The following DPP6 variants were observed in gnomAD, a reference collection of about 807,000 sequenced individuals.
DPP6 encodes the protein dipeptidyl peptidase like 6, also known as A-type potassium channel modulatory protein DPP6.
A neutral mutation model predicts 122.6 loss-of-function variants in DPP6; 69 were observed. That is an observed-to-expected ratio of 0.56 (90% CI 0.46 to 0.69). DPP6 has a LOEUF of 0.69. Ranked by LOEUF, DPP6 falls within the 30% of genes least tolerant of loss-of-function variation. The pLI, the probability that DPP6 is intolerant of heterozygous loss-of-function variation, is 0.00. For missense variants in DPP6, 928 were observed against 1,116.9 expected, an observed-to-expected ratio of 0.83 and a Z score of 2.41; for synonymous variants, 418 against 433.1, an observed-to-expected ratio of 0.97 and a Z score of 0.43.
intron 1 of DPP6, among the ~76,000 whole-genome samples, chr7:154,438,469 CAAAAAAAAAAAAA>C (rs58978160): frequency 0.014 from 529 of 37,496 alleles, 5 homozygotes; most frequent in South Asian, 0.024. Flanking sequence ...GACTCCAACT[CAAAAAAAAAAAAA>C]AAAAAAAAAA....
chr7:154,002,959 C>T (rs1220170921), intron 1 of DPP6, among the ~76,000 whole-genome samples: 1 of 152,174 alleles, frequency 6.6e-6, no homozygotes, highest in Non-Finnish European at 1.5e-5. Context: ...ATGTCAGTGT[C>T]GCTTCCCTCA....
chr7:154,127,459 A>G (rs1161732581), intron 1 of DPP6, among the ~76,000 whole-genome samples: 1 of 152,112 alleles, frequency 6.6e-6, no homozygotes, highest in East Asian at 1.9e-4. Context: ...GGCCCTCACT[A>G]ACTTGGAGCT....
rs535388939 is a variant in DPP6 at position 154,720,005 on chromosome 7, A to G, written c.763-7762A>G. 2.6e-3 allele frequency among the ~76,000 whole-genome samples: 393 copies of G among 152,308 alleles called. 1 individual carries two copies. The highest frequency in any genetic ancestry group is 4.9e-3 in the Non-Finnish European group (330 of 68,022). ...CCCCATGCTCCTGCATCTGCTTCCC[A>G]GAACCTCTCGGCCTGTAGGATCTGT... On this transcript the variant is annotated intron_variant, in intron 7 of 25. Transcript: ENST00000377770.
At chr7:153,989,099 T>C (rs1377892137) in intron 1 of DPP6, among the ~76,000 whole-genome samples, 2 of 149,090 alleles carry the variant, frequency 1.3e-5, no homozygotes, top group Non-Finnish European at 3.0e-5. Context: ...GCTGCTGGGG[T>C]GGCGGGGCTT....
At chr7:154,874,643 C>G (rs1000663849) in intron 19 of DPP6, among the ~76,000 whole-genome samples, 1 of 152,218 alleles carries the variant, frequency 6.6e-6, no homozygotes, top group Non-Finnish European at 1.5e-5. Context: ...CCTGCCCCCA[C>G]CCCACTCCTC....
chr7:154,800,462 C>T (rs1798293908), intron 12 of DPP6, among the ~76,000 whole-genome samples: 1 of 152,182 alleles, frequency 6.6e-6, no homozygotes, highest in Admixed American at 6.5e-5. Flanking sequence ...CAAACTTGGG[C>T]TTCAGAGAGG....
chr7:154,499,229 A>C (rs994046122), intron 3 of DPP6, among the ~76,000 whole-genome samples: 2 of 152,142 alleles, frequency 1.3e-5, no homozygotes, highest in East Asian at 1.9e-4. Context: ...AAAGGAGTAA[A>C]ACAGATATTT....
intron 5 of DPP6, among the ~76,000 whole-genome samples, chr7:154,633,214 T>C (rs1835515515): frequency 6.6e-6 from 1 of 152,100 alleles, no homozygotes; most frequent in South Asian, 2.1e-4. Context: ...GTCTATTTTA[T>C]TTTTTATTTT....
At chr7:153,797,618 T>C in the DPP6 span, among the ~76,000 whole-genome samples, 3 of 152,196 alleles carry the variant, frequency 2.0e-5, no homozygotes, top group African/African-American at 7.2e-5. Context: ...CAGCCTGAAT[T>C]TCCAGTGTGT....
At chr7:154,114,785 C>T (rs938979528) in intron 1 of DPP6, among the ~76,000 whole-genome samples, 2 of 152,188 alleles carry the variant, frequency 1.3e-5, no homozygotes, top group Non-Finnish European at 2.9e-5. Context: ...ACCCAGGAGG[C>T]TTCTGCAGTC....
intron 1 of DPP6, among the ~76,000 whole-genome samples, chr7:154,193,721 G>A (rs896487501): frequency 6.6e-6 from 1 of 152,104 alleles, no homozygotes; most frequent in African/African-American, 2.4e-5. Context: ...GTGACAGGTA[G>A]ACCACCTGTG....
the DPP6 span, among the ~76,000 whole-genome samples, chr7:153,828,452 A>G: frequency 3.9e-5 from 6 of 152,204 alleles, no homozygotes; most frequent in African/African-American, 1.2e-4. Flanking sequence ...CTATGACTGC[A>G]ATTCTCTGTG....
At chr7:154,392,368 A>C (rs2151167453) in intron 1 of DPP6, among the ~76,000 whole-genome samples, 1 of 152,310 alleles carries the variant, frequency 6.6e-6, no homozygotes, top group African/African-American at 2.4e-5. Context: ...CTCAGCAGAA[A>C]CCTCAGTTGA....
At position 154,821,571 on chromosome 7, in the gene DPP6, C is replaced by A. The variant is rs1364556288; in HGVS notation, c.1666+14459C>A. On this transcript the variant is annotated intron_variant, in intron 16 of 25. Coordinates refer to ENST00000377770, the MANE Select transcript of DPP6 (RefSeq NM_130797.4). The surrounding 1 kb of genome is among the most constrained non-coding windows in gnomAD (Gnocchi z 4.2). ...CAGAGCTTTCAAACACTTTTAGAGG[C>A]ACAATCAGTTTTCAAATGAAATGTT... 6.7e-6 allele frequency among the ~76,000 whole-genome samples: 1 copy of A among 149,164 alleles called. No individual in the cohort carries two copies. The highest frequency in any genetic ancestry group is 1.5e-5 in the Non-Finnish European group (1 of 67,604).
At chr7:154,669,203 G>T (rs1586852883) in intron 6 of DPP6, among the ~76,000 whole-genome samples, 157 bp from the exon 7 acceptor site, 1 of 152,234 alleles carries the variant, frequency 6.6e-6, no homozygotes, top group East Asian at 1.9e-4. Context: ...GAGACTAAAT[G>T]AGACATATTA....
chr7:154,328,977 G>A (rs1302381681), intron 1 of DPP6, among the ~76,000 whole-genome samples: 4 of 152,200 alleles, frequency 2.6e-5, no homozygotes, highest in South Asian at 2.1e-4. Flanking sequence ...GTTGCTAACT[G>A]TGGATAGCTC....
chr7:154,153,780 G>T (rs745345334), intron 1 of DPP6, among the ~76,000 whole-genome samples: 1 of 152,206 alleles, frequency 6.6e-6, no homozygotes, highest in African/African-American at 2.4e-5. Context: ...ATAGATGAAC[G>T]GGTGTGACTG....
the DPP6 span, among the ~76,000 whole-genome samples, chr7:153,780,975 T>TA: frequency 7.5e-4 from 97 of 130,100 alleles, no homozygotes; most frequent in Non-Finnish European, 6.7e-4. Flanking sequence ...AATGAATTTT[T>TA]TAAAAAAATG....
chr7:154,412,821 C>A (rs905991102), intron 1 of DPP6, among the ~76,000 whole-genome samples: 1 of 152,230 alleles, frequency 6.6e-6, no homozygotes, highest in African/African-American at 2.4e-5. Context: ...CACACTGTGG[C>A]AGGTGAGTGC....
Sources: allele counts gnomAD v4.1 joint callset (sites outside exome capture counted in the v4.1 genomes callset), GRCh38; gene constraint gnomAD v4.1.1; non-coding constraint Gnocchi (gnomAD v3.1); transcripts MANE v1.5; gene names NCBI Gene and HGNC (gene_info 2026-07-23, HGNC 2026-07-21).